Variants in ADGRG2 observed in about 807,000 individuals in gnomAD.
ADGRG2 encodes adhesion G protein-coupled receptor G2, also known as G protein-coupled receptor 64.
Under a neutral mutation model 74.1 loss-of-function variants are expected in ADGRG2, and 26 were observed. That is an observed-to-expected ratio of 0.35 (90% confidence interval 0.26 to 0.49). The LOEUF is 0.49. Ranked by LOEUF, ADGRG2 falls within the 20% of genes least tolerant of loss-of-function variation. The pLI is 0.99. For synonymous variants in ADGRG2, 296 were observed against 295.2 expected, an observed-to-expected ratio of 1.00 and a Z score of -0.03; for missense variants, 619 against 763.1, an observed-to-expected ratio of 0.81 and a Z score of 2.22.
intron 15 of ADGRG2, among the ~76,000 whole-genome samples, chrX:19,019,127 A>G (rs189524619): frequency 3.6e-3 from 408 of 112,227 alleles, no homozygotes; most frequent in East Asian, 7.3e-3. Context: ...TTACAGGCGT[A>G]AGCCACCGTG....
chrX:19,000,405 C>T (rs1049645274), intron 24 of ADGRG2, among the ~76,000 whole-genome samples: 1 of 111,892 alleles, frequency 8.9e-6, no homozygotes, highest in Non-Finnish European at 1.9e-5. Context: ...GGTTTCTTTT[C>T]CTCTTTGGCA....
chrX:18,999,779 T>C, intron 25 of ADGRG2, 82 bp downstream of exon 25: 1 of 599,581 alleles, frequency 1.7e-6, no homozygotes, highest in Non-Finnish European at 2.9e-6. Context: ...CAGGAGTCAA[T>C]ATGCTGATTA....
At chrX:19,011,323 G>A (rs568678643) in intron 16 of ADGRG2, among the ~76,000 whole-genome samples, 3 of 111,813 alleles carry the variant, frequency 2.7e-5, no homozygotes, top group African/African-American at 6.5e-5. Context: ...TGGTGGTTAC[G>A]TGACTGTGGG....
chrX:19,107,416 C>A (rs1323555398), intron 1 of ADGRG2, among the ~76,000 whole-genome samples: 1 of 112,361 alleles, frequency 8.9e-6, no homozygotes. Flanking sequence ...TGAGAGGAGA[C>A]AGAGAAAAAT....
At chrX:19,059,502 G>T (rs1192504731) in intron 3 of ADGRG2, among the ~76,000 whole-genome samples, 1 of 111,396 alleles carries the variant, frequency 9.0e-6, no homozygotes, top group Admixed American at 9.5e-5. Context: ...GTATGCGAAG[G>T]TGCTTCGTCA....
chrX:19,042,759 G>A (rs1241407123), intron 3 of ADGRG2, among the ~76,000 whole-genome samples: 4 of 111,124 alleles, frequency 3.6e-5, no homozygotes, highest in African/African-American at 1.3e-4. Flanking sequence ...AGGAGGCCGA[G>A]GTGGGAGGAT....
intron 3 of ADGRG2, among the ~76,000 whole-genome samples, chrX:19,042,406 A>G (rs755961581): frequency 9.0e-6 from 1 of 110,821 alleles, no homozygotes; most frequent in East Asian, 2.8e-4. Flanking sequence ...AGGGATGGAG[A>G]GTGACGTCGA....
At chrX:19,047,745 A>G (rs1159018536) in intron 3 of ADGRG2, among the ~76,000 whole-genome samples, 1 of 111,086 alleles carries the variant, frequency 9.0e-6, no homozygotes, top group East Asian at 2.8e-4. Context: ...AAACAGAACA[A>G]TATTTTTGTT....
At chrX:19,056,711 TCTC>T (rs2061415280) in intron 3 of ADGRG2, among the ~76,000 whole-genome samples, 1 of 112,281 alleles carries the variant, frequency 8.9e-6, no homozygotes, top group African/African-American at 3.2e-5. Flanking sequence ...AATAATGTCT[TCTC>T]CTCCTATTTT....
At chrX:19,050,378 G>A (rs1362032042) in intron 3 of ADGRG2, among the ~76,000 whole-genome samples, 1 of 111,693 alleles carries the variant, frequency 9.0e-6, no homozygotes, top group Non-Finnish European at 1.9e-5. Context: ...AGGGCTCGGG[G>A]GAAACCCCAG....
intron 1 of ADGRG2, among the ~76,000 whole-genome samples, chrX:19,113,592 C>T (rs2062454002): frequency 8.9e-6 from 1 of 111,763 alleles, no homozygotes; most frequent in African/African-American, 3.3e-5. Context: ...AAAGTTCTTG[C>T]TGCATGAAAT....
intron 11 of ADGRG2, among the ~76,000 whole-genome samples, 175 bp downstream of exon 11, chrX:19,027,044 G>A (rs1431012700): frequency 8.9e-6 from 1 of 111,960 alleles, no homozygotes; most frequent in Non-Finnish European, 1.9e-5. Flanking sequence ...GAGCCTCATG[G>A]GGATAATAGT....
At position 19,025,439 on chromosome X, in the gene ADGRG2, G is replaced by C. The variant is rs758229769; in HGVS notation, c.471-1491C>G. On this transcript the variant is annotated intron_variant, in intron 11 of 28. Transcript: ENST00000379869. ...GCTCTAGACTTGGTTTCCTATCTCAGAGAGTTGGGTTTATCCCTGTGGATC... is the reference window on the plus strand; with the variant it reads ...GCTCTAGACTTGGTTTCCTATCTCACAGAGTTGGGTTTATCCCTGTGGATC... 2.1e-3 allele frequency among the ~76,000 whole-genome samples: 236 copies of C among 111,491 alleles called. 1 individual carries two copies. The highest frequency in any genetic ancestry group is 2.6e-3 in the Non-Finnish European group (139 of 53,110).
intron 19 of ADGRG2, 88 bp from the exon 20 acceptor site, chrX:19,007,445 T>A: frequency 1.1e-6 from 1 of 890,054 alleles, no homozygotes; most frequent in Non-Finnish European, 1.6e-6. Flanking sequence ...GTCCACATTG[T>A]TTATCTTACA....
intron 15 of ADGRG2, among the ~76,000 whole-genome samples, chrX:19,018,273 T>TTTTG (rs974836715): frequency 4.6e-5 from 5 of 109,514 alleles, no homozygotes; most frequent in East Asian, 5.7e-4. Flanking sequence ...ATGCCCAGTT[T>TTTTG]TTTGTTTGTT....
At chrX:19,028,683 A>C (rs748950901) in intron 9 of ADGRG2, among the ~76,000 whole-genome samples, 108 of 111,240 alleles carry the variant, frequency 9.7e-4, no homozygotes, top group African/African-American at 3.5e-3. Flanking sequence ...CATAAGTCTC[A>C]TAATGTTTTA....
At chrX:19,081,791 T>C (rs778215637) in intron 2 of ADGRG2, among the ~76,000 whole-genome samples, 8 of 111,328 alleles carry the variant, frequency 7.2e-5, no homozygotes, top group Non-Finnish European at 1.3e-4. Flanking sequence ...TCAAAAGAAA[T>C]AGGCTGGGTA....
chrX:19,064,076 G>T (rs2061528029), intron 3 of ADGRG2, among the ~76,000 whole-genome samples: 1 of 111,764 alleles, frequency 8.9e-6, no homozygotes, highest in Non-Finnish European at 1.9e-5. Flanking sequence ...CTGTTTGGGG[G>T]TGTTATCTCC....
chrX:19,011,078 A>G (rs1434064038), intron 16 of ADGRG2, among the ~76,000 whole-genome samples: 1 of 112,268 alleles, frequency 8.9e-6, no homozygotes, highest in East Asian at 2.8e-4. Flanking sequence ...AATACACACA[A>G]TGGCATGGGT....
Sources: allele counts gnomAD v4.1 joint callset (sites outside exome capture counted in the v4.1 genomes callset), GRCh38; gene constraint gnomAD v4.1.1; transcripts MANE v1.5; gene names NCBI Gene and HGNC (gene_info 2026-07-23, HGNC 2026-07-21).